The following MEIKIN variants were observed in gnomAD, a reference collection of about 807,000 sequenced individuals.
MEIKIN encodes the protein meiosis-specific kinetochore protein.
chr5:131,862,381 T>C (rs964268644), intron 9 of MEIKIN, among the ~76,000 whole-genome samples: 3 of 152,140 alleles, frequency 2.0e-5, no homozygotes, highest in African/African-American at 7.2e-5. Context: ...TTTTATCTTT[T>C]TGAACAACGA....
At chr5:131,815,245 T>C (rs1289952085) in intron 12 of MEIKIN, among the ~76,000 whole-genome samples, 3 of 152,234 alleles carry the variant, frequency 2.0e-5, no homozygotes, top group Non-Finnish European at 2.9e-5. Flanking sequence ...GAAGCTGGCC[T>C]AATAGGATGA....
At chr5:131,832,046 C>T (rs1196209845) in intron 11 of MEIKIN, among the ~76,000 whole-genome samples, 1 of 152,086 alleles carries the variant, frequency 6.6e-6, no homozygotes, top group African/African-American at 2.4e-5. Flanking sequence ...ATTTCAAAGC[C>T]AATCATGCCT....
intron 11 of MEIKIN, among the ~76,000 whole-genome samples, chr5:131,835,198 G>A (rs9717078): frequency 0.68 from 102,013 of 149,986 alleles, 35,427 homozygotes; most frequent in Non-Finnish European, 0.77. Flanking sequence ...ATGTGTGTGT[G>A]TATATATATG....
At chr5:131,923,707 T>A (rs1751544281) in intron 5 of MEIKIN, among the ~76,000 whole-genome samples, 1 of 152,058 alleles carries the variant, frequency 6.6e-6, no homozygotes, top group South Asian at 2.1e-4. Flanking sequence ...TGAAGATTTT[T>A]AAAAATATTT....
intron 11 of MEIKIN, among the ~76,000 whole-genome samples, chr5:131,837,520 T>C (rs1043318893): frequency 1.3e-5 from 2 of 152,162 alleles, no homozygotes; most frequent in African/African-American, 2.4e-5. Flanking sequence ...GTTTGTGTCA[T>C]CTCTAATTTC....
chr5:131,852,697 T>C (rs967187609), intron 10 of MEIKIN, among the ~76,000 whole-genome samples: 3 of 152,070 alleles, frequency 2.0e-5, no homozygotes, highest in African/African-American at 4.8e-5. Context: ...TATTAACGAA[T>C]AGGGTGATGA....
At chr5:131,864,150 C>T (rs1461420562) in intron 9 of MEIKIN, among the ~76,000 whole-genome samples, 2 of 152,014 alleles carry the variant, frequency 1.3e-5, no homozygotes, top group Non-Finnish European at 2.9e-5. Context: ...AGAATTTAAT[C>T]CATTTACATT....
intron 12 of MEIKIN, among the ~76,000 whole-genome samples, chr5:131,814,800 T>C (rs1355963498): frequency 6.6e-6 from 1 of 152,062 alleles, no homozygotes; most frequent in African/African-American, 2.4e-5. Flanking sequence ...TGTTCATGGC[T>C]CATGAACAAA....
intron 8 of MEIKIN, among the ~76,000 whole-genome samples, chr5:131,893,343 C>T (rs1188683804): frequency 6.6e-6 from 1 of 152,218 alleles, no homozygotes; most frequent in Non-Finnish European, 1.5e-5. Flanking sequence ...TCTCAGACTG[C>T]TGTGCTAGCA....
At position 131,941,142 on chromosome 5, in the gene MEIKIN, C is replaced by CTTTTTTTTTTTTTTTT. The variant is rs397999274; in HGVS notation, c.349+1477_349+1492dup. Among the ~76,000 whole-genome samples the CTTTTTTTTTTTTTTTT allele has an allele frequency of 1.2e-4, 7 of 59,690 alleles. 1 individual carries two copies. Among genetic ancestry groups the CTTTTTTTTTTTTTTTT allele is most frequent in the African/African-American group, 3.1e-4 (4 of 13,102 alleles). 39.2% of individuals were successfully genotyped at this position (59,690 alleles called of 152,430 possible). On this transcript the variant is annotated intron_variant, in intron 4 of 12. Coordinates refer to ENST00000442687, the MANE Select transcript of MEIKIN (RefSeq NM_001303622.2). The stretch of plus-strand genomic sequence containing the variant: ...TTGACAATTCCTTCAAGATCTCTTC[C>CTTTTTTTTTTTTTTTT]TTTTTTTTTTTTTTTTTTTTTTTTT...
At chr5:131,904,098 C>T (rs547525932) in intron 8 of MEIKIN, among the ~76,000 whole-genome samples, 109 of 152,016 alleles carry the variant, frequency 7.2e-4, no homozygotes, top group African/African-American at 2.4e-3. Context: ...CATTATGGGG[C>T]TCAATTCAAC....
chr5:131,893,887 G>A (rs1561747505), intron 8 of MEIKIN, among the ~76,000 whole-genome samples: 1 of 152,092 alleles, frequency 6.6e-6, no homozygotes, highest in Non-Finnish European at 1.5e-5. Flanking sequence ...TGCTGTGCAG[G>A]AGATCTTTAG....
intron 9 of MEIKIN, among the ~76,000 whole-genome samples, chr5:131,864,067 G>A (rs894184851): frequency 4.6e-5 from 7 of 152,190 alleles, no homozygotes; most frequent in Non-Finnish European, 8.8e-5. Flanking sequence ...CAGATAAAGT[G>A]CATTTCTTGT....
At chr5:131,890,705 T>C (rs1750896162) in intron 8 of MEIKIN, among the ~76,000 whole-genome samples, 1 of 152,220 alleles carries the variant, frequency 6.6e-6, no homozygotes, top group Non-Finnish European at 1.5e-5. Flanking sequence ...GCTTTTTGTG[T>C]CTCTATTTCC....
Position 131,870,252 on chromosome 5 carries a change from C to T in MEIKIN, c.774+8726G>A, listed in dbSNP as rs1750463327. On this transcript the variant is annotated intron_variant, in intron 9 of 12. Transcript: ENST00000442687. Reference sequence around the variant, plus strand: ...TAAATAATCAAAAATAACATAGACACACACACAAAAAAAGTCTTTATAATA... The same window carrying T: ...TAAATAATCAAAAATAACATAGACATACACACAAAAAAAGTCTTTATAATA... Among the ~76,000 whole-genome samples, 2 of 152,052 alleles carry T rather than the reference C, an allele frequency of 1.3e-5. 1 individual carries two copies. Among genetic ancestry groups the T allele is most frequent in the South Asian group, 4.1e-4 (2 of 4,826 alleles).
chr5:131,851,198 T>C (rs1376789912), intron 11 of MEIKIN, 66 bp downstream of exon 11: 1 of 394,946 alleles, frequency 2.5e-6, no homozygotes, highest in Non-Finnish European at 4.5e-6. Flanking sequence ...GCACCTCATA[T>C]ACAAAGTATC....
rs566925026 is a variant in MEIKIN at position 131,928,931 on chromosome 5, T to C, written c.478+4582A>G. Among the ~76,000 whole-genome samples the C allele has an allele frequency of 1.1e-4, 16 of 152,338 alleles. No homozygotes were observed. The South Asian group carries it at 3.3e-3, about 32-fold the overall frequency. On this transcript the variant is annotated intron_variant, in intron 5 of 12. Coordinates refer to ENST00000442687, the MANE Select transcript of MEIKIN (RefSeq NM_001303622.2). ...TGAGTCTTATACTTTCATGTTACTG[T>C]TTAGCATCCTTGAGTTTCAACTTAA...
At chr5:131,854,944 T>C (rs574869546) in intron 9 of MEIKIN, 110 bp from the exon 10 acceptor site, 204 of 385,350 alleles carry the variant, frequency 5.3e-4, no homozygotes, top group African/African-American at 4.0e-3. Flanking sequence ...TGTACAGTAC[T>C]AAGAAAATCC....
intron 7 of MEIKIN, among the ~76,000 whole-genome samples, chr5:131,913,635 A>G (rs1237850717): frequency 6.6e-6 from 1 of 152,200 alleles, no homozygotes; most frequent in African/African-American, 2.4e-5. Flanking sequence ...TTTGGAGATG[A>G]GTAATAAGCT....
Sources: gnomAD v4.1 joint callset for allele counts (sites outside exome capture counted in the v4.1 genomes callset) on GRCh38, gnomAD v4.1.1 for gene constraint, MANE v1.5 for transcripts, NCBI Gene and HGNC (gene_info 2026-07-23, HGNC 2026-07-21) for gene names.